PTPRN2: variants seen among roughly 807,000 people sequenced by gnomAD.
PTPRN2 encodes protein tyrosine phosphatase receptor type N2.
In PTPRN2, 74 loss-of-function variants were observed where a neutral mutation model predicts 118.8. The ratio of observed to expected loss-of-function variants is 0.62; its 90% CI spans 0.52 to 0.76. PTPRN2 has a LOEUF of 0.76. Ranked by LOEUF, PTPRN2 falls within the 30% of genes least tolerant of loss-of-function variation. PTPRN2 has a pLI of 0.00. For synonymous variants in PTPRN2, 641 were observed against 608.0 expected, an observed-to-expected ratio of 1.05 and a Z score of -0.80; for missense variants, 1,481 against 1,394.4, an observed-to-expected ratio of 1.06 and a Z score of -0.99.
intron 3 of PTPRN2, among the ~76,000 whole-genome samples, chr7:158,277,782 C>A (rs2150989268): frequency 6.6e-6 from 1 of 152,336 alleles, no homozygotes; most frequent in Non-Finnish European, 1.5e-5. Context: ...GAAAGAGGAG[C>A]AGCCCAGGGC....
At chr7:158,283,477 T>C (rs1179368730) in intron 3 of PTPRN2, among the ~76,000 whole-genome samples, 1 of 152,084 alleles carries the variant, frequency 6.6e-6, no homozygotes, top group Non-Finnish European at 1.5e-5. Context: ...AACCAGGGGC[T>C]TGCCGCAGGG....
chr7:158,239,282 T>C (rs1795760951), intron 3 of PTPRN2, among the ~76,000 whole-genome samples: 1 of 152,148 alleles, frequency 6.6e-6, no homozygotes, highest in Non-Finnish European at 1.5e-5. Context: ...AGTCAGCAGT[T>C]CTCTCTGTTG....
chr7:157,801,078 C>CACATATATATAT lies in PTPRN2; in HGVS notation c.1788+97594_1788+97595insATATATATATGT, dbSNP rs1563123830. ...ACACATATATATACACATATATATA[C>CACATATATATAT]ACACACACACACATATATATATGCA... On this transcript the variant is annotated intron_variant, in intron 12 of 22. Coordinates refer to ENST00000389418, the MANE Select transcript of PTPRN2 (RefSeq NM_002847.5). The surrounding 1 kb of genome is among the most constrained non-coding windows in gnomAD (Gnocchi z 4.2). Among the ~76,000 whole-genome samples, 8 of 147,680 alleles carry CACATATATATAT rather than the reference C, an allele frequency of 5.4e-5. No individual in the cohort carries two copies. Among genetic ancestry groups the CACATATATATAT allele is most frequent in the South Asian group, 4.5e-4 (2 of 4,490 alleles).
At chr7:157,631,757 G>C (rs1263544) in intron 14 of PTPRN2, among the ~76,000 whole-genome samples, 1 of 151,726 alleles carries the variant, frequency 6.6e-6, no homozygotes, top group Admixed American at 6.6e-5. Flanking sequence ...GCGTGAACCC[G>C]GGAGGCGGAG....
At chr7:157,608,477 C>T (rs1017107185) in intron 15 of PTPRN2, among the ~76,000 whole-genome samples, 1 of 152,182 alleles carries the variant, frequency 6.6e-6, no homozygotes, top group Non-Finnish European at 1.5e-5. Flanking sequence ...AGGGCGGACT[C>T]TGATTCCTGC....
intron 2 of PTPRN2, among the ~76,000 whole-genome samples, chr7:158,386,387 C>A (rs76095660): frequency 5.0e-5 from 7 of 140,398 alleles, no homozygotes; most frequent in Admixed American, 1.4e-4. Context: ...TCCCGTGCCC[C>A]AAGTCCCTCC....
At chr7:157,651,613 C>G (rs1805668121) in intron 14 of PTPRN2, among the ~76,000 whole-genome samples, 1 of 152,142 alleles carries the variant, frequency 6.6e-6, no homozygotes, top group South Asian at 2.1e-4. Flanking sequence ...TCAGAGCCAG[C>G]CAGGCAGAAA....
intron 11 of PTPRN2, among the ~76,000 whole-genome samples, chr7:157,949,056 A>C (rs1563265703): frequency 6.6e-6 from 1 of 152,184 alleles, no homozygotes; most frequent in Non-Finnish European, 1.5e-5. Context: ...GTGTCTTAGA[A>C]CCAATCATCT....
rs1816714179 is a variant in PTPRN2 at position 158,438,237 on chromosome 7, G to T, written c.163+51498C>A. Among the ~76,000 whole-genome samples the T allele has an allele frequency of 6.6e-6, 1 of 152,116 alleles. No homozygotes were observed. Among genetic ancestry groups the T allele is most frequent in the South Asian group, 2.1e-4 (1 of 4,820 alleles). ...TACTAAAAATACAAAAATTAGCCAG[G>T]CGTGGTGGTGCATGCCTGTAATCCC... is the stretch of plus-strand genomic sequence containing the variant. On this transcript the variant is annotated intron_variant, in intron 2 of 22. Coordinates refer to ENST00000389418, the MANE Select transcript of PTPRN2 (RefSeq NM_002847.5). The surrounding 1 kb of genome is among the most constrained non-coding windows in gnomAD (Gnocchi z 4.7).
At chr7:157,860,613 C>A (rs1810162837) in intron 12 of PTPRN2, among the ~76,000 whole-genome samples, 1 of 152,250 alleles carries the variant, frequency 6.6e-6, no homozygotes, top group Admixed American at 6.5e-5. Context: ...CCACTCCATG[C>A]AAATCTCATT....
At chr7:157,984,720 C>T (rs1005657715) in intron 11 of PTPRN2, among the ~76,000 whole-genome samples, 17 of 152,164 alleles carry the variant, frequency 1.1e-4, no homozygotes, top group Non-Finnish European at 1.9e-4. Flanking sequence ...CTCCCTGACT[C>T]CAGCTCTCCC....
chr7:157,708,455 G>A (rs1449398403), intron 12 of PTPRN2, among the ~76,000 whole-genome samples: 1 of 152,160 alleles, frequency 6.6e-6, no homozygotes, highest in African/African-American at 2.4e-5. Flanking sequence ...TCATCCTAAA[G>A]GTTGGGCAGT....
At chr7:158,293,904 TGAG>T (rs1385242699) in intron 3 of PTPRN2, among the ~76,000 whole-genome samples, 2 of 152,340 alleles carry the variant, frequency 1.3e-5, no homozygotes, top group East Asian at 3.9e-4. Flanking sequence ...TCATCTCCTA[TGAG>T]AAGAATGCCT....
At chr7:158,309,878 G>A (rs1801567665) in intron 3 of PTPRN2, among the ~76,000 whole-genome samples, 1 of 152,196 alleles carries the variant, frequency 6.6e-6, no homozygotes, top group African/African-American at 2.4e-5. Flanking sequence ...GGAGGTGAAG[G>A]CTTTGGGGGT....
chr7:158,455,758 C>A lies in PTPRN2; in HGVS notation c.163+33977G>T, dbSNP rs10277700. ...ACCCATCGCTCTGCAGAGAAGACAA[C>A]GGCATGGACGCCATCGGCCATGGCC... On this transcript the variant is annotated intron_variant, in intron 2 of 22. Coordinates refer to ENST00000389418, the MANE Select transcript of PTPRN2 (RefSeq NM_002847.5). Among the ~76,000 whole-genome samples the A allele has an allele frequency of 1.8e-4, 20 of 110,788 alleles. 3 individuals are homozygous for A. Among genetic ancestry groups the A allele is most frequent in the South Asian group, 1.7e-3 (5 of 2,976 alleles). The allele number at this position is 110,788 out of a possible 152,430, so 72.7% of individuals were successfully genotyped here.
At chr7:158,338,646 C>G (rs1363423502) in intron 2 of PTPRN2, among the ~76,000 whole-genome samples, 1 of 49,858 alleles carries the variant, frequency 2.0e-5, no homozygotes, top group African/African-American at 1.5e-4. Context: ...ACCATAAAAG[C>G]TGATGCCTGC....
chr7:158,188,122 T>C (rs1161737253), intron 5 of PTPRN2, among the ~76,000 whole-genome samples: 1 of 147,816 alleles, frequency 6.8e-6, no homozygotes, highest in Non-Finnish European at 1.5e-5. Flanking sequence ...GGAAGGGATG[T>C]CCTAGTGCAG....
intron 11 of PTPRN2, among the ~76,000 whole-genome samples, chr7:158,017,271 C>T (rs905863092): frequency 6.6e-6 from 1 of 152,202 alleles, no homozygotes; most frequent in African/African-American, 2.4e-5. Context: ...GCTTTCCCAG[C>T]TAGGAACATC....
Position 158,014,414 on chromosome 7 carries a change from A to G in PTPRN2, c.1723+66884T>C, listed in dbSNP as rs192600729. Among the ~76,000 whole-genome samples, 73 of 149,126 alleles carry G rather than the reference A, an allele frequency of 4.9e-4. No individual in the cohort carries two copies. The East Asian group carries it at 0.014, about 28-fold the overall frequency. ...GTCCATCCATCCACCCATTCATCAA[A>G]CAATCCACCTGCTCATCTATTCATC... On this transcript the variant is annotated intron_variant, in intron 11 of 22. Transcript: ENST00000389418.
Sources: allele counts gnomAD v4.1 joint callset (sites outside exome capture counted in the v4.1 genomes callset), GRCh38; gene constraint gnomAD v4.1.1; non-coding constraint Gnocchi (gnomAD v3.1); transcripts MANE v1.5; gene names NCBI Gene and HGNC (gene_info 2026-07-23, HGNC 2026-07-21).